Variants in CCDC85A observed in about 807,000 individuals in gnomAD.
CCDC85A encodes coiled-coil domain containing 85A, also known as coiled-coil domain-containing protein 85A.
CCDC85A carries 38 observed loss-of-function variants against 50.2 expected under a neutral mutation model. That is an observed-to-expected ratio of 0.76 (90% CI 0.58 to 0.99). CCDC85A has a LOEUF of 0.99. Among genes scored for constraint, CCDC85A ranks in the 50% least tolerant of loss-of-function variants. CCDC85A has a pLI of 0.00. For missense variants in CCDC85A, 820 were observed against 742.0 expected (o/e 1.11, Z -1.22); for synonymous variants, 366 against 301.4 (o/e 1.21, Z -2.22).
At chr2:56,228,949 C>A (rs1573060407) in intron 2 of CCDC85A, among the ~76,000 whole-genome samples, 1 of 152,280 alleles carries the variant, frequency 6.6e-6, no homozygotes, top group Non-Finnish European at 1.5e-5. Context: ...ATTTAAATAA[C>A]AAGCCTTCTC....
At chr2:56,218,797 A>G (rs930879557) in intron 2 of CCDC85A, among the ~76,000 whole-genome samples, 24 of 151,818 alleles carry the variant, frequency 1.6e-4, no homozygotes. Flanking sequence ...AGGCTGGGCA[A>G]GGAGAGATTG....
In CCDC85A at chr2:56,184,622, A is replaced by G; in HGVS notation, c.-3A>G. The G allele has an allele frequency of 7.0e-7, 1 of 1,420,518 alleles. No homozygotes were observed. Among genetic ancestry groups the G allele is most frequent in the Non-Finnish European group, 9.1e-7 (1 of 1,101,978 alleles). The allele number at this position is 1,420,518 out of a possible 1,614,324, so 88.0% of individuals were successfully genotyped here. A position where few individuals can be genotyped will look rare whatever the true frequency, so the allele number is the denominator to read the frequency against. ...CACTTGCACCTGCCACCCCGCGGAT[A>G]CCATGTCGAAGGCGGCCGGAGGCGC... On this transcript the variant is annotated 5_prime_UTR_variant, in exon 1 of 6. It adds an upstream start codon to the 5' untranslated region. Coordinates refer to ENST00000407595, the MANE Select transcript of CCDC85A (RefSeq NM_001080433.2).
intron 2 of CCDC85A, among the ~76,000 whole-genome samples, chr2:56,326,234 C>T (rs1673464931): frequency 6.6e-6 from 1 of 152,122 alleles, no homozygotes; most frequent in Non-Finnish European, 1.5e-5. Context: ...CATCTCTAAG[C>T]TGTCAATCTT....
At chr2:56,208,934 A>T (rs1384036496) in intron 2 of CCDC85A, among the ~76,000 whole-genome samples, 1 of 152,054 alleles carries the variant, frequency 6.6e-6, no homozygotes, top group Non-Finnish European at 1.5e-5. Context: ...TAATCCAGCT[A>T]AGGGGAAGCA....
rs1472458371 is a variant in CCDC85A at position 56,367,989 on chromosome 2, G to A, written c.1318-4355G>A. Among the ~76,000 whole-genome samples, 11 of 67,382 alleles carry A rather than the reference G, an allele frequency of 1.6e-4. 1 individual carries two copies. Among genetic ancestry groups the A allele is most frequent in the Admixed American group, 1.6e-3 (11 of 6,912 alleles). The allele number at this position is 67,382 out of a possible 152,430, so 44.2% of individuals were successfully genotyped here. A position where few individuals can be genotyped will look rare whatever the true frequency, so the allele number is the denominator to read the frequency against. ...TTGTCCAAAGTCATGCAGCTCATAAGTGTCAGATCAAGAATTTAAACTCCG... is the reference window on the plus strand; with the variant it reads ...TTGTCCAAAGTCATGCAGCTCATAAATGTCAGATCAAGAATTTAAACTCCG... On this transcript the variant is annotated intron_variant, in intron 3 of 5. Transcript: ENST00000407595.
At chr2:56,189,725 C>A (rs1286355736) in intron 1 of CCDC85A, among the ~76,000 whole-genome samples, 1 of 152,048 alleles carries the variant, frequency 6.6e-6, no homozygotes, top group Admixed American at 6.6e-5. Context: ...GTTTTTTAAC[C>A]CTTACCTCCC....
intron 3 of CCDC85A, among the ~76,000 whole-genome samples, chr2:56,363,045 A>C (rs1283274817): frequency 6.6e-6 from 1 of 152,198 alleles, no homozygotes; most frequent in Non-Finnish European, 1.5e-5. Context: ...TATCCTTTTG[A>C]ATATGATTCA....
At chr2:56,212,823 C>T (rs1279372997) in intron 2 of CCDC85A, among the ~76,000 whole-genome samples, 4 of 151,928 alleles carry the variant, frequency 2.6e-5, no homozygotes, top group African/African-American at 9.7e-5. Context: ...CTTCCAGTTT[C>T]TTCCTAAGCT....
At chr2:56,326,981 A>T (rs1334320482) in intron 2 of CCDC85A, among the ~76,000 whole-genome samples, 3 of 152,118 alleles carry the variant, frequency 2.0e-5, no homozygotes, top group African/African-American at 7.2e-5. Flanking sequence ...ATATTTAACT[A>T]CCATAATCAG....
intron 2 of CCDC85A, among the ~76,000 whole-genome samples, chr2:56,306,542 G>A (rs549205618): frequency 2.9e-4 from 44 of 152,022 alleles, no homozygotes; most frequent in Middle Eastern, 3.4e-3. Flanking sequence ...CCAAATGTCA[G>A]AAAAAAATGG....
At chr2:56,365,363 A>C (rs866286841) in intron 3 of CCDC85A, among the ~76,000 whole-genome samples, 3 of 152,236 alleles carry the variant, frequency 2.0e-5, no homozygotes, top group Admixed American at 6.5e-5. Context: ...AAATGAGCAC[A>C]GAGCTGATGT....
chr2:56,279,860 C>A (rs904824558), intron 2 of CCDC85A, among the ~76,000 whole-genome samples: 2 of 152,152 alleles, frequency 1.3e-5, no homozygotes, highest in African/African-American at 4.8e-5. Context: ...AGGTTAATTT[C>A]ATATCTTGGA....
chr2:56,194,963 T>A (rs1383066696), intron 2 of CCDC85A, among the ~76,000 whole-genome samples: 1 of 150,906 alleles, frequency 6.6e-6, no homozygotes, highest in East Asian at 2.0e-4. Context: ...TATCATGAGA[T>A]TGGTCATTGG....
intron 2 of CCDC85A, among the ~76,000 whole-genome samples, chr2:56,226,819 A>G (rs570603174): frequency 1.2e-4 from 18 of 152,116 alleles, no homozygotes; most frequent in Admixed American, 9.2e-4. Flanking sequence ...CACAGTTTGG[A>G]AATCTGAGTT....
chr2:56,336,327 T>C (rs1384712891), intron 2 of CCDC85A, among the ~76,000 whole-genome samples: 1 of 152,072 alleles, frequency 6.6e-6, no homozygotes, highest in East Asian at 1.9e-4. Context: ...CTAATTTTTG[T>C]ATTTTTAGTA....
intron 2 of CCDC85A, among the ~76,000 whole-genome samples, chr2:56,329,151 C>G (rs770523363): frequency 6.6e-6 from 1 of 152,178 alleles, no homozygotes; most frequent in Non-Finnish European, 1.5e-5. Flanking sequence ...AGCCACTACT[C>G]TTCTCTGAAT....
chr2:56,369,259 G>A (rs6704684), intron 3 of CCDC85A, among the ~76,000 whole-genome samples: 35,264 of 151,928 alleles, frequency 0.23, 4,655 homozygotes, highest in African/African-American at 0.36. Context: ...CTCATTGTGA[G>A]CAATAAGGGA....
intron 2 of CCDC85A, among the ~76,000 whole-genome samples, chr2:56,222,970 A>C (rs1301668853): frequency 6.6e-6 from 1 of 152,088 alleles, no homozygotes; most frequent in Admixed American, 6.6e-5. Flanking sequence ...TGATAGTTTT[A>C]CCTATCTTGA....
rs146630412 is a variant in CCDC85A, at chr2:56,224,911, C to A, written c.1240+31471C>A. On this transcript the variant is annotated intron_variant, in intron 2 of 5. Coordinates refer to ENST00000407595, the MANE Select transcript of CCDC85A (RefSeq NM_001080433.2). ...TGTGGGTTGTGTTTTCATTTTCTTA[C>A]AAGCAGAAAAGCTTTTAATTTTGAT... Among the ~76,000 whole-genome samples, 266 of 152,168 alleles carry A rather than the reference C, an allele frequency of 1.7e-3. 2 individuals carry two copies. The highest frequency in any genetic ancestry group is 6.0e-3 in the African/African-American group (249 of 41,534).
Sources: allele counts gnomAD v4.1 joint callset (sites outside exome capture counted in the v4.1 genomes callset), GRCh38; gene constraint gnomAD v4.1.1; transcripts MANE v1.5; gene names NCBI Gene and HGNC (gene_info 2026-07-23, HGNC 2026-07-21).